The following TUBB3 variants were observed in gnomAD, a reference collection of about 807,000 sequenced individuals.
TUBB3 encodes the protein tubulin beta 3 class III.
TUBB3 carries 17 observed loss-of-function variants against 37.8 expected under a neutral mutation model. The ratio of observed to expected loss-of-function variants is 0.45; its 90% CI spans 0.31 to 0.67. The LOEUF is 0.67. Ranked by LOEUF, TUBB3 falls within the 30% of genes least tolerant of loss-of-function variation. The pLI is 0.07. For synonymous variants in TUBB3, 332 were observed against 278.9 expected (o/e 1.19, Z -1.90); for missense variants, 262 against 657.9 (o/e 0.40, Z 6.58).
chr16:89,933,421 C>T (rs1011294404), intron 2 of TUBB3, 47 bp from the exon 3 acceptor site: 27 of 1,416,352 alleles, frequency 1.9e-5, no homozygotes, highest in Non-Finnish European at 2.5e-5. Flanking sequence ...GAGGGAGAGG[C>T]TCTGGCCCTC....
chr16:89,928,287 C>G (rs1368984776), intron 1 of TUBB3, among the ~76,000 whole-genome samples: 1 of 151,710 alleles, frequency 6.6e-6, no homozygotes, highest in Non-Finnish European at 1.5e-5. Flanking sequence ...AACTCCTGGA[C>G]TCAAGTGATC....
intron 1 of TUBB3, among the ~76,000 whole-genome samples, chr16:89,923,857 G>C (rs1304776921): frequency 6.6e-6 from 1 of 152,110 alleles, no homozygotes; most frequent in Non-Finnish European, 1.5e-5. Flanking sequence ...TGGGTGGGGT[G>C]GGGGGTTCTC....
At chr16:89,925,074 G>A (rs2144402042) in intron 1 of TUBB3, among the ~76,000 whole-genome samples, 1 of 152,202 alleles carries the variant, frequency 6.6e-6, no homozygotes, top group South Asian at 2.1e-4. Flanking sequence ...CAGAGCTGTG[G>A]TCCCACAAGG....
intron 3 of TUBB3, 114 bp from the exon 4 acceptor site, chr16:89,934,615 G>A: frequency 9.4e-7 from 1 of 1,064,260 alleles, no homozygotes; most frequent in Non-Finnish European, 1.4e-6. Context: ...CTTTACAGAA[G>A]ACAGAACAGG....
chr16:89,925,171 G>T (rs1364903448), intron 1 of TUBB3, among the ~76,000 whole-genome samples: 1 of 152,220 alleles, frequency 6.6e-6, no homozygotes, highest in Non-Finnish European at 1.5e-5. Context: ...GGGAGCCCTT[G>T]TCCCCTGGAC....
At position 89,935,854 on chromosome 16, in the gene TUBB3, A is replaced by G. The variant is rs2030439650; in HGVS notation, c.*50A>G. 1 of 1,575,056 alleles carries G rather than the reference A, an allele frequency of 6.3e-7. No homozygotes were observed. The highest frequency in any genetic ancestry group is 8.6e-7 in the Non-Finnish European group (1 of 1,160,152). On this transcript the variant is annotated 3_prime_UTR_variant, in exon 4 of 4. Transcript: ENST00000315491. ...GCAGGTGGCGGCCGGGGCCGAAGCC[A>G]GCAGTGTCTAAACCCCCGGAGCCAT...
intron 3 of TUBB3, chr16:89,933,938 TTGGGCCG>T: frequency 1.7e-6 from 1 of 582,036 alleles, no homozygotes; most frequent in East Asian, 2.9e-5. Flanking sequence ...TGTCCTGGGG[TTGGGCCG>T]TGGATGCCAC....
rs779944403 is a variant in TUBB3, at chr16:89,935,762, C to T, written c.1311C>T (p.Tyr437=). 41 of 1,613,746 alleles carry T rather than the reference C, an allele frequency of 2.5e-5. No individual in the cohort carries two copies. The highest frequency in any genetic ancestry group is 6.6e-5 in the South Asian group (6 of 91,086). The change falls in exon 4 of 4, where the codon TAC becomes TAT. Residue 437 remains tyrosine (Y), a synonymous_variant. Coordinates refer to ENST00000315491, the MANE Select transcript of TUBB3 (RefSeq NM_006086.4). The part of the protein sequence containing the change: ...DATAEEEGEM[Y]EDDEEESEAQ... ...CGGCCGAGGAAGAGGGCGAGATGTACGAAGACGACGAGGAGGAGTCGGAGG... is the reference window on the plus strand; with the variant it reads ...CGGCCGAGGAAGAGGGCGAGATGTATGAAGACGACGAGGAGGAGTCGGAGG...
At chr16:89,928,963 T>G (rs1426584671) in intron 1 of TUBB3, among the ~76,000 whole-genome samples, 1 of 130,358 alleles carries the variant, frequency 7.7e-6, no homozygotes, top group Non-Finnish European at 1.7e-5. Flanking sequence ...CGCCCGGCCT[T>G]TTTTTTTTTT....
chr16:89,931,199 C>A (rs1288155327), intron 1 of TUBB3, among the ~76,000 whole-genome samples: 2 of 152,192 alleles, frequency 1.3e-5, no homozygotes, highest in African/African-American at 4.8e-5. Context: ...CTCCTGGGGT[C>A]CTCCCACGTC....
chr16:89,932,738 G>C (rs2030322545), intron 2 of TUBB3, 59 bp downstream of exon 2: 2 of 1,407,786 alleles, frequency 1.4e-6, no homozygotes, highest in Non-Finnish European at 2.0e-6. Context: ...CTCAGCGTCT[G>C]ACTGACCAGG....
chr16:89,932,290 C>T (rs1050230202), intron 1 of TUBB3, among the ~76,000 whole-genome samples: 2 of 152,250 alleles, frequency 1.3e-5, no homozygotes, highest in Non-Finnish European at 2.9e-5. Context: ...CCCTTGCCAG[C>T]AGCTGCACAG....
intron 1 of TUBB3, among the ~76,000 whole-genome samples, chr16:89,928,904 C>T (rs1198297941): frequency 6.6e-6 from 1 of 152,028 alleles, no homozygotes; most frequent in Non-Finnish European, 1.5e-5. Flanking sequence ...CCTCGTGATC[C>T]ACCCGCCTTG....
At chr16:89,927,999 AAG>A (rs1392508336) in intron 1 of TUBB3, among the ~76,000 whole-genome samples, 1 of 152,200 alleles carries the variant, frequency 6.6e-6, no homozygotes, top group Non-Finnish European at 1.5e-5. Context: ...GGGATCCTCA[AAG>A]AGAGTGTTAG....
intron 1 of TUBB3, chr16:89,932,015 C>A: frequency 3.6e-6 from 1 of 276,590 alleles, no homozygotes; most frequent in South Asian, 3.3e-5. Flanking sequence ...GACTGGCTCT[C>A]AGAGTCCCTG....
At chr16:89,932,253 C>T (rs2030304498) in intron 1 of TUBB3, 5 of 449,058 alleles carry the variant, frequency 1.1e-5, no homozygotes, top group South Asian at 8.5e-5. Flanking sequence ...TACCAATGCC[C>T]TTCATGGAGG....
At chr16:89,932,025 G>A (rs2151091768) in intron 1 of TUBB3, 1 of 277,572 alleles carries the variant, frequency 3.6e-6, no homozygotes, top group Non-Finnish European at 7.4e-6. Context: ...CAGAGTCCCT[G>A]TGAGTCCCGT....
rs754683361 is a variant in TUBB3, at chr16:89,933,511, C to T, written c.210C>T (p.Pro70=). Residue 70 remains proline, a synonymous_variant, in exon 3 of 4, where the codon CCC becomes CCT. Coordinates refer to ENST00000315491, the MANE Select transcript of TUBB3 (RefSeq NM_006086.4). ...GAGCCATTCTGGTGGACCTGGAACC[C>T]GGAACCATGGACAGTGTCCGCTCAG... ...VPRAILVDLE[P]GTMDSVRSGA... 9.9e-6 allele frequency: 16 copies of T among 1,614,128 alleles called. 1 individual carries two copies. The highest frequency in any genetic ancestry group is 3.3e-4 in the Middle Eastern group (2 of 6,062).
intron 1 of TUBB3, among the ~76,000 whole-genome samples, chr16:89,925,718 G>A (rs1442016947): frequency 1.3e-5 from 2 of 152,186 alleles, no homozygotes; most frequent in African/African-American, 2.4e-5. Flanking sequence ...TCAATGGGAA[G>A]TTCCTTGGCC....
Sources: allele counts gnomAD v4.1 joint callset (sites outside exome capture counted in the v4.1 genomes callset), GRCh38; gene constraint gnomAD v4.1.1; transcripts MANE v1.5; gene names NCBI Gene and HGNC (gene_info 2026-07-23, HGNC 2026-07-21).